Variants in CCDC91 observed in about 807,000 individuals in gnomAD.
CCDC91 encodes the protein coiled-coil domain containing 91.
A neutral mutation model predicts 63.2 loss-of-function variants in CCDC91; 48 were observed. The ratio of observed to expected loss-of-function variants is 0.76; its 90% CI spans 0.60 to 0.97. The LOEUF is 0.97. Ranked by LOEUF, CCDC91 falls within the 50% of genes least tolerant of loss-of-function variation. The probability of loss-of-function intolerance (pLI) is 0.00; values close to 1 mark genes in which losing one functional copy is unlikely to be tolerated. For missense variants in CCDC91, 500 were observed against 494.6 expected, an observed-to-expected ratio of 1.01 and a Z score of -0.10; for synonymous variants, 167 against 165.8, an observed-to-expected ratio of 1.01 and a Z score of -0.06.
chr12:28,240,147 A>G (rs138287993), intron 1 of CCDC91, among the ~76,000 whole-genome samples: 1 of 152,324 alleles, frequency 6.6e-6, no homozygotes, highest in East Asian at 1.9e-4. Context: ...TTCATGTGCC[A>G]TATTTCTTAC....
chr12:28,275,477 T>C (rs1948143682), intron 3 of CCDC91, among the ~76,000 whole-genome samples: 1 of 152,104 alleles, frequency 6.6e-6, no homozygotes, highest in Non-Finnish European at 1.5e-5. Context: ...AGGCAGTAAG[T>C]AATAGCTTAC....
intron 1 of CCDC91, among the ~76,000 whole-genome samples, chr12:28,226,815 G>A (rs1384312166): frequency 6.6e-6 from 1 of 152,100 alleles, no homozygotes. Context: ...TCTTGGCTGT[G>A]ACAGTTTCTT....
intron 8 of CCDC91, among the ~76,000 whole-genome samples, chr12:28,401,102 A>G (rs1847210608): frequency 6.6e-6 from 1 of 152,142 alleles, no homozygotes; most frequent in South Asian, 2.1e-4. Context: ...TCTTTACAGC[A>G]GTACCCACTC....
At chr12:28,326,754 A>G (rs1366835755) in intron 6 of CCDC91, among the ~76,000 whole-genome samples, 1 of 152,094 alleles carries the variant, frequency 6.6e-6, no homozygotes, top group Non-Finnish European at 1.5e-5. Flanking sequence ...AAAAGAAACA[A>G]GTGATGATAA....
intron 6 of CCDC91, among the ~76,000 whole-genome samples, chr12:28,360,545 T>C (rs1321205159): frequency 6.6e-6 from 1 of 152,148 alleles, no homozygotes; most frequent in Non-Finnish European, 1.5e-5. Flanking sequence ...TATAGGAAGT[T>C]TATGTGGTTC....
intron 8 of CCDC91, among the ~76,000 whole-genome samples, chr12:28,392,011 C>A (rs900039323): frequency 4.0e-5 from 6 of 151,816 alleles, no homozygotes; most frequent in Admixed American, 6.6e-5. Flanking sequence ...TATAGAGCAT[C>A]TGTGTTATAT....
intron 1 of CCDC91, among the ~76,000 whole-genome samples, chr12:28,193,492 T>G (rs1941454487): frequency 6.6e-6 from 1 of 151,878 alleles, no homozygotes; most frequent in Non-Finnish European, 1.5e-5. Flanking sequence ...TCCCAGCTAC[T>G]CAGGAGGCTG....
chr12:28,284,631 C>CA (rs1217182241), intron 3 of CCDC91, among the ~76,000 whole-genome samples: 1 of 146,068 alleles, frequency 6.8e-6, no homozygotes, highest in Non-Finnish European at 1.5e-5. Context: ...CCAACCTGGG[C>CA]AACAAGAGTG....
At chr12:28,306,139 G>T (rs113412099) in intron 4 of CCDC91, among the ~76,000 whole-genome samples, 3 of 152,008 alleles carry the variant, frequency 2.0e-5, no homozygotes, top group South Asian at 2.1e-4. Context: ...TCTTTTCAGC[G>T]AATCTTACCG....
intron 6 of CCDC91, among the ~76,000 whole-genome samples, chr12:28,335,316 G>A (rs571357185): frequency 4.8e-5 from 6 of 124,566 alleles, no homozygotes; most frequent in South Asian, 2.5e-4. Flanking sequence ...TACATATTAT[G>A]TATAATATAA....
intron 12 of CCDC91, among the ~76,000 whole-genome samples, chr12:28,496,401 G>A (rs1188303830): frequency 6.6e-6 from 1 of 151,644 alleles, no homozygotes; most frequent in Non-Finnish European, 1.5e-5. Context: ...ACTCTGGTTA[G>A]TGGAGCCATA....
At chr12:28,529,892 A>G (rs558908699) in intron 12 of CCDC91, among the ~76,000 whole-genome samples, 85 of 152,332 alleles carry the variant, frequency 5.6e-4, no homozygotes, top group South Asian at 2.3e-3. Context: ...TTCTGACTAG[A>G]AATCAGAGAA....
intron 8 of CCDC91, among the ~76,000 whole-genome samples, chr12:28,403,523 T>G (rs1265774771): frequency 6.6e-6 from 1 of 152,132 alleles, no homozygotes; most frequent in African/African-American, 2.4e-5. Context: ...CCTTCTACCA[T>G]GACCCCATAT....
At chr12:28,422,007 C>G (rs1948044911) in intron 8 of CCDC91, among the ~76,000 whole-genome samples, 1 of 152,088 alleles carries the variant, frequency 6.6e-6, no homozygotes, top group African/African-American at 2.4e-5. Flanking sequence ...CTTTGTGCTA[C>G]TTGTCTCCTG....
At chr12:28,514,878 T>C (rs1939768239) in intron 12 of CCDC91, among the ~76,000 whole-genome samples, 1 of 151,602 alleles carries the variant, frequency 6.6e-6, no homozygotes, top group Non-Finnish European at 1.5e-5. Flanking sequence ...GGGTAGAGGG[T>C]GGGAAGAGGG....
chr12:28,433,485 A>C (rs1948739376), intron 8 of CCDC91, among the ~76,000 whole-genome samples: 1 of 151,850 alleles, frequency 6.6e-6, no homozygotes, highest in South Asian at 2.1e-4. Flanking sequence ...TCTTTTCTCC[A>C]TTTTATTCCT....
chr12:28,250,807 C>T (rs1196395347), intron 1 of CCDC91, among the ~76,000 whole-genome samples: 1 of 152,006 alleles, frequency 6.6e-6, no homozygotes, highest in Non-Finnish European at 1.5e-5. Context: ...GAAAGGATCC[C>T]CACACTACCT....
chr12:28,496,139 C>T (rs567124582), intron 12 of CCDC91, among the ~76,000 whole-genome samples: 85 of 151,638 alleles, frequency 5.6e-4, no homozygotes, highest in African/African-American at 1.9e-3. Context: ...AGGTAAGCAG[C>T]CAAGTTGCTA....
At chr12:28,218,006 G>T (rs1437466305) in intron 1 of CCDC91, among the ~76,000 whole-genome samples, 1 of 151,986 alleles carries the variant, frequency 6.6e-6, no homozygotes, top group Non-Finnish European at 1.5e-5. Context: ...GTCCCCTCCT[G>T]TTCCAGTCTC....
Sources: gnomAD v4.1 joint callset for allele counts (sites outside exome capture counted in the v4.1 genomes callset) on GRCh38, gnomAD v4.1.1 for gene constraint, MANE v1.5 for transcripts, NCBI Gene and HGNC (gene_info 2026-07-23, HGNC 2026-07-21) for gene names.